Variants in ITPR2 observed in about 807,000 individuals in gnomAD.
ITPR2 encodes the protein inositol 1,4,5-trisphosphate receptor type 2, also known as inositol 1,4,5-trisphosphate-gated calcium channel ITPR2.
A neutral mutation model predicts 317.1 loss-of-function variants in ITPR2; 207 were observed. The observed-to-expected ratio is 0.65, with a 90% CI of 0.58 to 0.73. The LOEUF (loss-of-function observed/expected upper bound fraction) is 0.73, where lower values mean the gene tolerates loss of function less well. ITPR2 is among the 30% of genes least tolerant of loss of function. The pLI is 0.00. For synonymous variants in ITPR2, 1,156 were observed against 1,149.1 expected (o/e 1.01, Z -0.12); for missense variants, 2,613 against 3,284.0 (o/e 0.80, Z 4.99).
At chr12:26,655,933 G>A (rs1947360561) in intron 19 of ITPR2, 81 bp from the exon 20 acceptor site, 1 of 1,340,810 alleles carries the variant, frequency 7.5e-7, no homozygotes, top group African/African-American at 1.5e-5. Context: ...AGTTTCCTGG[G>A]TGCATAATCT....
chr12:26,430,549 C>A (rs1039736251), intron 48 of ITPR2, among the ~76,000 whole-genome samples: 1 of 152,226 alleles, frequency 6.6e-6, no homozygotes, highest in African/African-American at 2.4e-5. Context: ...CGGGCATGAG[C>A]CACCTCGCTG....
chr12:26,711,701 G>C (rs907803073), intron 8 of ITPR2, among the ~76,000 whole-genome samples: 1 of 152,206 alleles, frequency 6.6e-6, no homozygotes, highest in Non-Finnish European at 1.5e-5. Flanking sequence ...AGCGAACAAA[G>C]AAATAAGTAA....
At chr12:26,364,291 G>C (rs1938935496) in intron 55 of ITPR2, among the ~76,000 whole-genome samples, 1 of 152,152 alleles carries the variant, frequency 6.6e-6, no homozygotes, top group Non-Finnish European at 1.5e-5. Flanking sequence ...TTGATGGCTT[G>C]TGTGTTAGAA....
At chr12:26,750,799 G>T (rs972419935) in intron 2 of ITPR2, among the ~76,000 whole-genome samples, 1 of 152,094 alleles carries the variant, frequency 6.6e-6, no homozygotes, top group Admixed American at 6.5e-5. Context: ...GTGAAATAGA[G>T]GAAAATAAAG....
At chr12:26,478,593 T>C (rs1302714701) in intron 43 of ITPR2, among the ~76,000 whole-genome samples, 1 of 152,150 alleles carries the variant, frequency 6.6e-6, no homozygotes, top group Non-Finnish European at 1.5e-5. Flanking sequence ...CCAATCTTCT[T>C]TTCTATATTA....
At chr12:26,599,551 T>G (rs11048605) in intron 29 of ITPR2, among the ~76,000 whole-genome samples, 109,901 of 152,028 alleles carry the variant, frequency 0.72, 41,233 homozygotes, top group Non-Finnish European at 0.83. Flanking sequence ...GTTGGAGAAA[T>G]GAGCTTATTA....
chr12:26,383,045 T>C (rs761318324), intron 55 of ITPR2, among the ~76,000 whole-genome samples: 1 of 152,178 alleles, frequency 6.6e-6, no homozygotes, highest in Non-Finnish European at 1.5e-5. Context: ...GGGGCAGATC[T>C]TTTATGAATT....
rs201541366 is a variant in ITPR2 at position 26,589,849 on chromosome 12, T to C, written c.4380+5616A>G. On this transcript the variant is annotated intron_variant, in intron 32 of 56. Transcript: ENST00000381340. ...ATAAATAAACATATATATATATATA[T>C]ATATACACACACACACACACACACA... Among the ~76,000 whole-genome samples, 65 of 39,846 alleles carry C rather than the reference T, an allele frequency of 1.6e-3. No individual in the cohort carries two copies. The East Asian group carries it at 0.024, about 15-fold the overall frequency. 26.1% of individuals were successfully genotyped at this position (39,846 alleles called of 152,430 possible).
At chr12:26,810,972 G>GT (rs1313284160) in intron 1 of ITPR2, among the ~76,000 whole-genome samples, 2 of 124,104 alleles carry the variant, frequency 1.6e-5, no homozygotes, top group East Asian at 2.5e-4. Context: ...GGTCTGTTCT[G>GT]TTTTTTTAAA....
Position 26,340,241 on chromosome 12 carries a change from G to T in ITPR2, c.7945C>A (p.Leu2649Ile), listed in dbSNP as rs959703425. ...GDSEQNEIRS[L>I]QEKLESTMSL... ...ATGGTCGATTCCAACTTCTCCTGAA[G>T]GCTCCGAATTTCATTTTGCTCACTG... is the stretch of plus-strand genomic sequence containing the variant. The change falls in exon 56 of 57, where the codon CTT becomes ATT. Residue 2649 changes from leucine to isoleucine, a missense_variant. Physicochemically the swap from Leu to Ile is conservative, Grantham distance 5 (BLOSUM62 2). This residue lies in a region of ITPR2 where 119 missense variants were observed against 144.3 expected (regional missense o/e 0.82). Transcript: ENST00000381340. The T allele has an allele frequency of 1.2e-6, 2 of 1,611,596 alleles. No individual in the cohort carries two copies. The highest frequency in any genetic ancestry group is 1.7e-6 in the Non-Finnish European group (2 of 1,179,002).
At chr12:26,764,916 T>C (rs765597863) in intron 2 of ITPR2, among the ~76,000 whole-genome samples, 11 of 152,116 alleles carry the variant, frequency 7.2e-5, no homozygotes, top group Non-Finnish European at 1.3e-4. Context: ...TATTGTTTTC[T>C]CTTCTTTAGC....
At chr12:26,702,487 G>A (rs1317361393) in intron 9 of ITPR2, among the ~76,000 whole-genome samples, 1 of 145,952 alleles carries the variant, frequency 6.9e-6, no homozygotes, top group East Asian at 2.0e-4. Flanking sequence ...CGCCCAGGCT[G>A]TAGTGCAGTG....
intron 13 of ITPR2, among the ~76,000 whole-genome samples, chr12:26,667,889 C>T (rs921084596): frequency 1.4e-5 from 2 of 139,534 alleles, no homozygotes; most frequent in African/African-American, 5.4e-5. Context: ...GGAATGATGA[C>T]GACGAACATT....
intron 2 of ITPR2, among the ~76,000 whole-genome samples, chr12:26,763,527 ATAG>A (rs1308000782): frequency 2.6e-5 from 4 of 152,170 alleles, no homozygotes; most frequent in Non-Finnish European, 5.9e-5. Flanking sequence ...AAAACTCAGG[ATAG>A]TAGTTATCTT....
intron 15 of ITPR2, among the ~76,000 whole-genome samples, chr12:26,659,707 C>T (rs1436835554): frequency 6.6e-6 from 1 of 152,070 alleles, no homozygotes; most frequent in Non-Finnish European, 1.5e-5. Flanking sequence ...CTAACAGAGG[C>T]TTTTCTTCTA....
rs142788035 is a variant in ITPR2, at chr12:26,396,068, G to T, written c.7696+2808C>A. 7.2e-5 allele frequency among the ~76,000 whole-genome samples: 11 copies of T among 152,262 alleles called. No homozygotes were observed. The East Asian group carries it at 2.1e-3, about 29-fold the overall frequency. ...AAGAGGACAGAGCTCCAGGTGAGGT[G>T]ACCCAAGGGAAGAAAGAATCATCCT... On this transcript the variant is annotated intron_variant, in intron 54 of 56. Coordinates refer to ENST00000381340, the MANE Select transcript of ITPR2 (RefSeq NM_002223.4).
At chr12:26,745,086 C>T (rs534359479) in intron 2 of ITPR2, among the ~76,000 whole-genome samples, 55 of 152,302 alleles carry the variant, frequency 3.6e-4, no homozygotes, top group African/African-American at 1.2e-3. Context: ...GTCATCCTGC[C>T]CACAGATTAG....
chr12:26,814,650 G>T (rs545084063), intron 1 of ITPR2, among the ~76,000 whole-genome samples: 5 of 152,072 alleles, frequency 3.3e-5, no homozygotes, highest in Admixed American at 1.3e-4. Context: ...TTATAAAGTG[G>T]TTTATTCTTC....
At chr12:26,514,263 G>A (rs566036867) in intron 37 of ITPR2, among the ~76,000 whole-genome samples, 4 of 152,318 alleles carry the variant, frequency 2.6e-5, no homozygotes, top group African/African-American at 9.6e-5. Context: ...TTGAAGGATA[G>A]CACTGGCTGG....
Sources: allele counts gnomAD v4.1 joint callset (sites outside exome capture counted in the v4.1 genomes callset), GRCh38; gene constraint gnomAD v4.1.1; regional missense constraint gnomAD v4.1.1; transcripts MANE v1.5; gene names NCBI Gene and HGNC (gene_info 2026-07-23, HGNC 2026-07-21).